ATAD2B: variants seen among roughly 807,000 people sequenced by gnomAD.
The protein encoded by ATAD2B is ATPase family AAA domain-containing protein 2B.
ATAD2B carries 40 observed loss-of-function variants against 167.6 expected under a neutral mutation model. The ratio of observed to expected loss-of-function variants is 0.24; its 90% CI spans 0.19 to 0.31. The LOEUF (loss-of-function observed/expected upper bound fraction) is 0.31, where lower values mean the gene tolerates loss of function less well. Among genes scored for constraint, ATAD2B ranks in the 10% least tolerant of loss-of-function variants. ATAD2B has a pLI of 1.00. For missense variants in ATAD2B, 1,242 were observed against 1,757.2 expected (o/e 0.71, Z 5.24); for synonymous variants, 579 against 596.5 (o/e 0.97, Z 0.43).
At chr2:23,769,672 T>C (rs1447689613) in intron 22 of ATAD2B, among the ~76,000 whole-genome samples, 3 of 151,866 alleles carry the variant, frequency 2.0e-5, no homozygotes, top group Non-Finnish European at 4.4e-5. Flanking sequence ...TTTTCAGTTT[T>C]AGACGATTAT....
chr2:23,896,338 G>T (rs913157300), intron 1 of ATAD2B, among the ~76,000 whole-genome samples: 4 of 149,418 alleles, frequency 2.7e-5, no homozygotes, highest in South Asian at 2.1e-4. Flanking sequence ...AAAAAAAAAA[G>T]AATTATTAAT....
chr2:23,706,413 TGAGAACCTATCTCCAGGGCCAAG>T, the ATAD2B span: 227 of 1,281,706 alleles, frequency 1.8e-4, no homozygotes, highest in African/African-American at 3.2e-3. Flanking sequence ...GACACGACGT[TGAGAACCTATCTCCAGGGCCAAG>T]TTGGAAGTGA....
the ATAD2B span, among the ~76,000 whole-genome samples, chr2:23,737,925 G>A: frequency 4.0e-3 from 610 of 152,300 alleles, 8 homozygotes; most frequent in African/African-American, 0.012. Flanking sequence ...TAGCCGATGC[G>A]ATAAACTGGA....
At chr2:23,706,505 T>G in the ATAD2B span, 3 of 1,532,538 alleles carry the variant, frequency 2.0e-6, no homozygotes, top group Non-Finnish European at 1.7e-6. Context: ...ATGGCAAGAT[T>G]TATGCAACTG....
intron 6 of ATAD2B, among the ~76,000 whole-genome samples, chr2:23,881,641 G>A (rs891512826): frequency 3.9e-5 from 6 of 152,080 alleles, no homozygotes; most frequent in East Asian, 1.9e-4. Context: ...GATTATAGGC[G>A]TGAGCCACCG....
rs529049983 is a variant in ATAD2B at position 23,909,449 on chromosome 2, T to C, written c.217-13479A>G. On this transcript the variant is annotated intron_variant, in intron 1 of 27. Coordinates refer to ENST00000238789, the MANE Select transcript of ATAD2B (RefSeq NM_017552.4). Reference sequence around the variant, plus strand: ...ATACATACATACATACATATATATATATACACACACACACACATACATATA... The same window carrying C: ...ATACATACATACATACATATATATACATACACACACACACACATACATATA... Among the ~76,000 whole-genome samples, 265 of 151,370 alleles carry C rather than the reference T, an allele frequency of 1.8e-3. 1 individual carries two copies. Among genetic ancestry groups the C allele is most frequent in the Non-Finnish European group, 3.2e-3 (217 of 67,912 alleles).
Position 23,810,500 on chromosome 2 carries a change from G to A in ATAD2B, c.2270C>T (p.Ser757Leu), listed in dbSNP as rs1685384254. 6.2e-7 allele frequency: 1 copy of A among 1,612,122 alleles called. No individual in the cohort carries two copies. Among genetic ancestry groups the A allele is most frequent in the Admixed American group, 1.7e-5 (1 of 59,988 alleles). Reference protein sequence around the residue: ...IHKPYLHFTMSPYHQPTSYRP... With the variant: ...IHKPYLHFTMLPYHQPTSYRP... ...GTAAGAGGTTGGCTGATGATATGGT[G>A]ACCTGTAATACATGTAAGACATAAT... Residue 757 changes from serine (S) to leucine (L), a missense_variant and splice_region_variant, in exon 18 of 28, where the codon TCA becomes TTA. Around this residue, in one of 9 missense-constraint regions of ATAD2B, gnomAD observed 145 missense variants for 181.9 expected, o/e 0.80. Coordinates refer to ENST00000238789, the MANE Select transcript of ATAD2B (RefSeq NM_017552.4).
intron 22 of ATAD2B, among the ~76,000 whole-genome samples, chr2:23,767,380 C>T (rs1677599585): frequency 6.6e-6 from 1 of 152,178 alleles, no homozygotes; most frequent in Non-Finnish European, 1.5e-5. Flanking sequence ...CCCTTCCCCT[C>T]CCTTGTCCAA....
chr2:23,764,414 A>G lies in ATAD2B; in HGVS notation c.3256+1092T>C, dbSNP rs117801254. Among the ~76,000 whole-genome samples, 34 of 152,350 alleles carry G rather than the reference A, an allele frequency of 2.2e-4. 1 individual carries two copies. In the East Asian group the frequency reaches 6.4e-3, roughly 29 times the overall value. On this transcript the variant is annotated intron_variant, in intron 23 of 27. Transcript: ENST00000238789. ...TTAATATTCTCAGAGAATCTAATTC[A>G]TAGGTCTAAGCTGAAGTGGGTAATA...
At chr2:23,691,191 G>A in the ATAD2B span, 3 of 161,576 alleles carry the variant, frequency 1.9e-5, no homozygotes, top group Non-Finnish European at 4.1e-5. Flanking sequence ...TGGGGCCCTC[G>A]GTCCTGGGGC....
chr2:23,856,938 G>A (rs1166943428), intron 13 of ATAD2B, among the ~76,000 whole-genome samples: 1 of 152,056 alleles, frequency 6.6e-6, no homozygotes, highest in Non-Finnish European at 1.5e-5. Flanking sequence ...GCTGGACACA[G>A]TGGCTCACGC....
At chr2:23,779,650 A>G (rs1355522402) in intron 22 of ATAD2B, among the ~76,000 whole-genome samples, 2 of 152,216 alleles carry the variant, frequency 1.3e-5, no homozygotes. Context: ...AGCGTTTATA[A>G]AAGAGGAAAA....
the ATAD2B span, among the ~76,000 whole-genome samples, chr2:23,740,487 G>T: frequency 2.0e-5 from 3 of 152,048 alleles, no homozygotes; most frequent in South Asian, 6.3e-4. Flanking sequence ...AAAGGCCTTT[G>T]ACAAAATTCA....
intron 1 of ATAD2B, among the ~76,000 whole-genome samples, chr2:23,909,613 A>C (rs1701981323): frequency 6.6e-6 from 1 of 151,998 alleles, no homozygotes; most frequent in Non-Finnish European, 1.5e-5. Flanking sequence ...CCATGGTCAG[A>C]AGGATGTACA....
intron 19 of ATAD2B, among the ~76,000 whole-genome samples, chr2:23,791,891 G>C (rs1051802075): frequency 1.3e-5 from 2 of 152,094 alleles, no homozygotes; most frequent in African/African-American, 4.8e-5. Flanking sequence ...TTTTGAGTAA[G>C]TACCTAGAAC....
chr2:23,853,163 T>C (rs1692838494), intron 13 of ATAD2B, among the ~76,000 whole-genome samples: 1 of 152,158 alleles, frequency 6.6e-6, no homozygotes, highest in Non-Finnish European at 1.5e-5. Flanking sequence ...AGTCTCAATG[T>C]TTTACAGCCA....
chr2:23,781,284 T>A (rs1358197247), intron 22 of ATAD2B, among the ~76,000 whole-genome samples: 1 of 151,878 alleles, frequency 6.6e-6, no homozygotes, highest in Non-Finnish European at 1.5e-5. Flanking sequence ...CCACTCTGTC[T>A]AATCATGTCT....
the ATAD2B span, chr2:23,684,287 C>T: frequency 1.3e-6 from 1 of 766,328 alleles, no homozygotes. The surrounding 1 kb of genome is among the most constrained non-coding windows in gnomAD (Gnocchi z 4.4). Flanking sequence ...GAAACAATAT[C>T]AAGTATTTCC....
At chr2:23,736,654 G>A in the ATAD2B span, among the ~76,000 whole-genome samples, 1 of 152,160 alleles carries the variant, frequency 6.6e-6, no homozygotes, top group Admixed American at 6.5e-5. Flanking sequence ...TTCCAACTGA[G>A]GTACCAGGTT....
Sources: gnomAD v4.1 joint callset for allele counts (sites outside exome capture counted in the v4.1 genomes callset) on GRCh38, gnomAD v4.1.1 for gene constraint, gnomAD v4.1.1 regional missense constraint, Gnocchi (gnomAD v3.1) non-coding constraint, MANE v1.5 for transcripts, NCBI Gene and HGNC (gene_info 2026-07-23, HGNC 2026-07-21) for gene names.